Variants in DDX23 observed in about 807,000 individuals in gnomAD.
DDX23 encodes DEAD-box helicase 23.
In DDX23, 33 loss-of-function variants were observed where a neutral mutation model predicts 102.7. That is an observed-to-expected ratio of 0.32 (90% CI 0.24 to 0.43). The LOEUF is 0.43. DDX23 is among the 20% of genes least tolerant of loss of function. The pLI is 1.00. For synonymous variants in DDX23, 352 were observed against 376.0 expected (o/e 0.94, Z 0.74); for missense variants, 549 against 1,086.6 (o/e 0.51, Z 6.96).
chr12:48,838,191 G>T, intron 5 of DDX23, 111 bp from the exon 6 acceptor site: 1 of 1,504,060 alleles, frequency 6.6e-7, no homozygotes, highest in Non-Finnish European at 9.0e-7. Context: ...CATTAAGCCT[G>T]TTGAGGAAAA....
chr12:48,833,192 C>T, intron 13 of DDX23, 85 bp downstream of exon 13: 1 of 1,575,502 alleles, frequency 6.3e-7, no homozygotes, highest in Non-Finnish European at 8.6e-7. Context: ...GCCATGTTGC[C>T]CAGGCTGGTC....
At chr12:48,831,035 T>C (rs1938378602) in intron 16 of DDX23, 107 bp downstream of exon 16, 2 of 1,283,502 alleles carry the variant, frequency 1.6e-6, no homozygotes, top group East Asian at 2.3e-5. Flanking sequence ...GACTTGGAAC[T>C]GAGGGAGGCA....
chr12:48,851,084 C>A (rs1938749643), intron 1 of DDX23, among the ~76,000 whole-genome samples: 1 of 152,096 alleles, frequency 6.6e-6, no homozygotes, highest in South Asian at 2.1e-4. Flanking sequence ...CACTCAATGA[C>A]GTATTTAACA....
At chr12:48,834,637 A>AGATCATTC in intron 11 of DDX23, 140 bp from the exon 12 acceptor site, 1 of 811,130 alleles carries the variant, frequency 1.2e-6, no homozygotes. Context: ...ATCTCACTTA[A>AGATCATTC]AAATCAGAGG....
chr12:48,834,176 G>A (rs1938431290), intron 12 of DDX23, 144 bp downstream of exon 12: 4 of 658,436 alleles, frequency 6.1e-6, no homozygotes, highest in East Asian at 5.6e-5. Flanking sequence ...TATAAACCCT[G>A]GTGCATAAGT....
rs185371122 is a variant in DDX23 at position 48,830,284 on chromosome 12, G to A, written c.*185C>T. On this transcript the variant is annotated 3_prime_UTR_variant, in exon 17 of 17. Transcript: ENST00000308025. The surrounding 1 kb of genome is among the most constrained non-coding windows in gnomAD (Gnocchi z 4.9). ...TGCTCTCCCTGCCTCCGACAGCGTC[G>A]TCCTCTCCTTTTGCAGCCCCACACG... The A allele has an allele frequency of 6.4e-5, 48 of 755,096 alleles. No individual in the cohort carries two copies. Among genetic ancestry groups the A allele is most frequent in the East Asian group, 2.4e-4 (9 of 36,900 alleles). The allele number at this position is 755,096 out of a possible 1,614,324, so 46.8% of individuals were successfully genotyped here. A position where few individuals can be genotyped will look rare whatever the true frequency, so the allele number is the denominator to read the frequency against.
chr12:48,836,566 T>A lies in DDX23; in HGVS notation c.1236+3A>T, dbSNP rs778008419. Reference sequence around the variant, plus strand: ...TCTCTTGGGCCAATCTATCCCTCCTTACCTTGTAGCCACACTTATCAATGA... The same window carrying A: ...TCTCTTGGGCCAATCTATCCCTCCTAACCTTGTAGCCACACTTATCAATGA... On this transcript the variant is annotated splice_donor_region_variant and intron_variant, in intron 10 of 16. Transcript: ENST00000308025. This position sits in a 1 kb window ranked among gnomAD's most constrained non-coding sequence, Gnocchi z 6.1. The A allele has an allele frequency of 1.2e-6, 2 of 1,612,484 alleles. No individual in the cohort carries two copies. The highest frequency in any genetic ancestry group is 1.7e-6 in the Non-Finnish European group (2 of 1,179,504).
At chr12:48,833,160 AT>A in intron 13 of DDX23, 116 bp downstream of exon 13, 1 of 1,488,140 alleles carries the variant, frequency 6.7e-7, no homozygotes. Context: ...AATTTTTTAA[AT>A]TTTTGTAGAG....
intron 1 of DDX23, among the ~76,000 whole-genome samples, chr12:48,846,207 C>T (rs796442169): frequency 1.2e-4 from 19 of 152,348 alleles, no homozygotes; most frequent in African/African-American, 4.3e-4. Context: ...TCAAGCAATC[C>T]TCCTGCCTCA....
At position 48,836,430 on chromosome 12, in the gene DDX23, T is replaced by C; in HGVS notation, c.1236+139A>G. On this transcript the variant is annotated intron_variant, in intron 10 of 16. Coordinates refer to ENST00000308025, the MANE Select transcript of DDX23 (RefSeq NM_004818.3). The surrounding 1 kb of genome is among the most constrained non-coding windows in gnomAD (Gnocchi z 6.1). ...AACCTAATCACTAAAAGCCAACACT[T>C]CTACCAGAAAGTGACAGAAAAGGTC... 1 of 1,242,268 alleles carries C rather than the reference T, an allele frequency of 8.0e-7. No individual in the cohort carries two copies. The highest frequency in any genetic ancestry group is 1.5e-5 in the African/African-American group (1 of 66,548). The allele number at this position is 1,242,268 out of a possible 1,614,324, so 77.0% of individuals were successfully genotyped here.
rs1449153416 is a variant in DDX23 at position 48,831,302 on chromosome 12, T to G, written c.2079A>C (p.Thr693=). The change falls in exon 16 of 17, where the codon ACA becomes ACC. Residue 693 remains threonine (T), a synonymous_variant. Transcript: ENST00000308025. ...GCTCCTGGCCTTTTCCACCGTGCAGTGTGCAAGCATTGTACTGTTGGAAGA... is the reference window on the plus strand; with the variant it reads ...GCTCCTGGCCTTTTCCACCGTGCAGGGTGCAAGCATTGTACTGTTGGAAGA... ...SLEKMGYNAC[T]LHGGKGQEQR... The G allele has an allele frequency of 7.4e-6, 12 of 1,614,024 alleles. No homozygotes were observed. In the African/African-American group the frequency reaches 1.6e-4, roughly 22 times the overall value.
intron 3 of DDX23, among the ~76,000 whole-genome samples, chr12:48,843,573 G>A (rs536572406): frequency 4.6e-5 from 6 of 130,092 alleles, no homozygotes; most frequent in Admixed American, 3.4e-4. Context: ...TTTTGAGACA[G>A]AGTCTTGCTC....
chr12:48,849,347 A>T (rs1196210704), intron 1 of DDX23, among the ~76,000 whole-genome samples: 1 of 152,086 alleles, frequency 6.6e-6, no homozygotes, highest in Admixed American at 6.5e-5. Context: ...GAACAATAAA[A>T]TTTTACATTT....
intron 3 of DDX23, among the ~76,000 whole-genome samples, chr12:48,843,074 T>C (rs1192058710): frequency 6.7e-6 from 1 of 150,296 alleles, no homozygotes; most frequent in Non-Finnish European, 1.5e-5. Context: ...CAAGATGTGC[T>C]TTGTTAAACA....
chr12:48,847,741 G>A (rs925196955), intron 1 of DDX23, among the ~76,000 whole-genome samples: 5 of 152,126 alleles, frequency 3.3e-5, no homozygotes, highest in Admixed American at 1.3e-4. Flanking sequence ...GCTTGAGCCC[G>A]GGAGGCAGAG....
chr12:48,838,580 G>A (rs959205400), intron 5 of DDX23, among the ~76,000 whole-genome samples: 25 of 151,948 alleles, frequency 1.6e-4, no homozygotes, highest in African/African-American at 5.5e-4. Context: ...GGCCGAGTGC[G>A]GTGGCTTGTG....
chr12:48,848,561 G>A (rs1177411796), intron 1 of DDX23, among the ~76,000 whole-genome samples: 1 of 146,886 alleles, frequency 6.8e-6, no homozygotes, highest in Non-Finnish European at 1.5e-5. Flanking sequence ...ATGTGAACTA[G>A]CTTAGCATGT....
intron 12 of DDX23, among the ~76,000 whole-genome samples, chr12:48,833,801 TG>T (rs1938425574): frequency 1.3e-5 from 2 of 152,138 alleles, no homozygotes; most frequent in Non-Finnish European, 2.9e-5. Flanking sequence ...TTTCAGATCC[TG>T]AAGAAGGAAC....
At chr12:48,833,918 A>G (rs576326243) in intron 12 of DDX23, among the ~76,000 whole-genome samples, 1 of 152,344 alleles carries the variant, frequency 6.6e-6, no homozygotes, top group Non-Finnish European at 1.5e-5. Context: ...GACTTCTCAT[A>G]AAGAGCTCTC....
Sources: gnomAD v4.1 joint callset for allele counts (sites outside exome capture counted in the v4.1 genomes callset) on GRCh38, gnomAD v4.1.1 for gene constraint, Gnocchi (gnomAD v3.1) non-coding constraint, MANE v1.5 for transcripts, NCBI Gene and HGNC (gene_info 2026-07-23, HGNC 2026-07-21) for gene names.